PCDHGA2: variants seen among roughly 807,000 people sequenced by gnomAD.
PCDHGA2 encodes the protein protocadherin gamma-A2.
A neutral mutation model predicts 59.2 loss-of-function variants in PCDHGA2; 40 were observed. The observed-to-expected ratio is 0.68, with a 90% CI of 0.52 to 0.88. The LOEUF (loss-of-function observed/expected upper bound fraction) is 0.88. PCDHGA2 is among the 40% of genes least tolerant of loss of function. The pLI is 0.00. For synonymous variants in PCDHGA2, 560 were observed against 526.0 expected (o/e 1.06, Z -0.89); for missense variants, 1,226 against 1,204.0 (o/e 1.02, Z -0.27).
intron 1 of PCDHGA2, chr5:141,394,936 T>G: frequency 1.2e-6 from 2 of 1,613,836 alleles, no homozygotes; most frequent in Non-Finnish European, 8.5e-7. Flanking sequence ...CTCGCCTTTG[T>G]CGCTGTGCTT....
chr5:141,510,833 C>G, intron 3 of PCDHGA2, 114 bp from the exon 4 acceptor site: 2 of 1,577,796 alleles, frequency 1.3e-6, no homozygotes, highest in Admixed American at 1.7e-5. Context: ...CAGTGCTCAG[C>G]GTGGTCAAGG....
At chr5:141,504,529 G>A (rs1333393859) in intron 2 of PCDHGA2, among the ~76,000 whole-genome samples, 1 of 151,900 alleles carries the variant, frequency 6.6e-6, no homozygotes, top group African/African-American at 2.4e-5. Context: ...TATTTTATTC[G>A]TGTCATCATG....
intron 1 of PCDHGA2, among the ~76,000 whole-genome samples, chr5:141,460,344 A>G (rs930557610): frequency 7.2e-5 from 11 of 152,060 alleles, no homozygotes; most frequent in African/African-American, 2.2e-4. Context: ...ATTTTCTCCT[A>G]TATTTTCTTT....
intron 1 of PCDHGA2, chr5:141,372,953 CTTTG>C: frequency 6.7e-6 from 5 of 745,132 alleles, no homozygotes; most frequent in South Asian, 2.1e-5. Context: ...CTAGGAAATT[CTTTG>C]TAGAATTTCC....
At chr5:141,353,757 A>AT (rs1189530295) in intron 1 of PCDHGA2, among the ~76,000 whole-genome samples, 1 of 152,166 alleles carries the variant, frequency 6.6e-6, no homozygotes, top group Non-Finnish European at 1.5e-5. Flanking sequence ...ACATGTTGAG[A>AT]TTTTTTTAAT....
Position 141,489,084 on chromosome 5 carries a change from C to T in PCDHGA2, c.2425-5723C>T, listed in dbSNP as rs1232276875. On this transcript the variant is annotated intron_variant, in intron 1 of 3. Transcript: ENST00000394576. This position sits in a 1 kb window ranked among gnomAD's most constrained non-coding sequence, Gnocchi z 4.5. ...CTCCCCCCTGCCCACCCCCGCCACTCGGTGACTAAGAACTGCTGCAAGCAG... is the reference window on the plus strand; with the variant it reads ...CTCCCCCCTGCCCACCCCCGCCACTTGGTGACTAAGAACTGCTGCAAGCAG... The T allele has an allele frequency of 1.5e-5, 5 of 329,072 alleles. No homozygotes were observed. Among genetic ancestry groups the T allele is most frequent in the South Asian group, 1.3e-4 (2 of 15,846 alleles). The allele number at this position is 329,072 out of a possible 1,614,324, so 20.4% of individuals were successfully genotyped here. A position where few individuals can be genotyped will look rare whatever the true frequency, so the allele number is the denominator to read the frequency against.
In PCDHGA2 at chr5:141,510,834, G is replaced by A. The variant is rs1043468083; in HGVS notation, c.2573-113G>A. 49 of 1,581,762 alleles carry A rather than the reference G, an allele frequency of 3.1e-5. 1 individual carries two copies. The highest frequency in any genetic ancestry group is 4.0e-5 in the Non-Finnish European group (46 of 1,161,670). On this transcript the variant is annotated intron_variant, in intron 3 of 3. Coordinates refer to ENST00000394576, the MANE Select transcript of PCDHGA2 (RefSeq NM_018915.4). ...GACCCCTATATTCCCAGTGCTCAGC[G>A]TGGTCAAGGCCCAGGGTGCTGTATA...
chr5:141,375,133 A>C, intron 1 of PCDHGA2: 1 of 1,613,958 alleles, frequency 6.2e-7, no homozygotes, highest in South Asian at 1.1e-5. Context: ...TGGTTGTTAC[A>C]TCTGGAAGCA....
rs1591227595 is a variant in PCDHGA2 at position 141,432,858 on chromosome 5, T to C, written c.2425-61949T>C. ...TACCTGGTGGTAGCGGTGGCCGCGG[T>C]CTCCTGCGTCTTCCTGGCCTTCGTC... On this transcript the variant is annotated intron_variant, in intron 1 of 3. Coordinates refer to ENST00000394576, the MANE Select transcript of PCDHGA2 (RefSeq NM_018915.4). This position sits in a 1 kb window ranked among gnomAD's most constrained non-coding sequence, Gnocchi z 6.0. The C allele has an allele frequency of 1.2e-6, 2 of 1,614,140 alleles. No individual in the cohort carries two copies. Among genetic ancestry groups the C allele is most frequent in the Non-Finnish European group, 8.5e-7 (1 of 1,179,996 alleles).
chr5:141,346,289 C>T (rs756079907), intron 1 of PCDHGA2: 1 of 1,614,104 alleles, frequency 6.2e-7, no homozygotes, highest in African/African-American at 1.3e-5. Context: ...TCCTGCAGAC[C>T]TATTCCCACG....
In PCDHGA2 at chr5:141,402,356, T is replaced by C. The variant is rs183915738; in HGVS notation, c.2424+60961T>C. Among the ~76,000 whole-genome samples, 46 of 152,098 alleles carry C rather than the reference T, an allele frequency of 3.0e-4. 1 individual carries two copies. Among genetic ancestry groups the C allele is most frequent in the African/African-American group, 1.0e-3 (43 of 41,550 alleles). On this transcript the variant is annotated intron_variant, in intron 1 of 3. Coordinates refer to ENST00000394576, the MANE Select transcript of PCDHGA2 (RefSeq NM_018915.4). ...TATAGGTATAAAAATTAAAAATGAA[T>C]GTACTTCCAAACAAGATTGCACATA...
chr5:141,364,445 C>T, intron 1 of PCDHGA2: 1 of 1,613,920 alleles, frequency 6.2e-7, no homozygotes. Context: ...GCCGGAGGAG[C>T]TGGACAAAGG....
chr5:141,394,778 C>A (rs377451053), intron 1 of PCDHGA2: 82 of 1,613,634 alleles, frequency 5.1e-5, no homozygotes, highest in Admixed American at 3.7e-4. Context: ...CCCCTCTCTC[C>A]GCCACTGTCA....
At chr5:141,442,358 A>C (rs2098318223) in intron 1 of PCDHGA2, 1 of 152,304 alleles carries the variant, frequency 6.6e-6, no homozygotes, top group African/African-American at 2.4e-5. Context: ...CTGTAGCTCT[A>C]TGATGCCATA....
intron 1 of PCDHGA2, chr5:141,392,941 C>T (rs780347240): frequency 6.2e-7 from 1 of 1,613,940 alleles, no homozygotes. Context: ...GACAAAGGCT[C>T]CTTCGTGGGT....
chr5:141,399,396 G>C, intron 1 of PCDHGA2: 1 of 1,613,960 alleles, frequency 6.2e-7, no homozygotes, highest in Non-Finnish European at 8.5e-7. Flanking sequence ...CCACAGACAG[G>C]GGCAAGCCGC....
intron 1 of PCDHGA2, chr5:141,343,718 C>A: frequency 4.2e-6 from 1 of 235,304 alleles, no homozygotes; most frequent in Non-Finnish European, 8.1e-6. Context: ...GATTTCAGAT[C>A]TTGGATAATT....
chr5:141,420,044 T>C lies in PCDHGA2; in HGVS notation c.2425-74763T>C, dbSNP rs769790599. 1.7e-5 allele frequency: 27 copies of C among 1,613,934 alleles called. No individual in the cohort carries two copies. In the East Asian group the frequency reaches 6.0e-4, roughly 36 times the overall value. On this transcript the variant is annotated intron_variant, in intron 1 of 3. Coordinates refer to ENST00000394576, the MANE Select transcript of PCDHGA2 (RefSeq NM_018915.4). ...CCCTACTGCAGGAGACTGCTTTGAG[T>C]CAGTTCTCTGCTCCAAGTCCGGACC...
chr5:141,365,442 T>C, intron 1 of PCDHGA2: 1 of 1,614,014 alleles, frequency 6.2e-7, no homozygotes, highest in Non-Finnish European at 8.5e-7. Context: ...CTGTTTAGCG[T>C]ACATGATGGT....
Sources: gnomAD v4.1 joint callset for allele counts (sites outside exome capture counted in the v4.1 genomes callset) on GRCh38, gnomAD v4.1.1 for gene constraint, Gnocchi (gnomAD v3.1) non-coding constraint, MANE v1.5 for transcripts, NCBI Gene and HGNC (gene_info 2026-07-23, HGNC 2026-07-21) for gene names.